NINJ2: variants seen among roughly 807,000 people sequenced by gnomAD.
NINJ2 encodes ninjurin-2.
In NINJ2, 12 loss-of-function variants were observed where a neutral mutation model predicts 11.7. The ratio of observed to expected loss-of-function variants is 1.02; its 90% CI spans 0.66 to 1.66. The LOEUF is 1.66. Among genes scored for constraint, NINJ2 ranks in the 40% most tolerant of loss-of-function variants. The pLI is 0.00. For missense variants in NINJ2, 187 were observed against 181.8 expected (o/e 1.03, Z -0.16); for synonymous variants, 93 against 76.8 (o/e 1.21, Z -1.10).
chr12:575,478 C>T (rs969658926), intron 1 of NINJ2, among the ~76,000 whole-genome samples: 5 of 152,220 alleles, frequency 3.3e-5, no homozygotes, highest in Non-Finnish European at 7.3e-5. Flanking sequence ...CATGCTCCCC[C>T]CAGGGAGAGC....
intron 1 of NINJ2, among the ~76,000 whole-genome samples, chr12:622,632 C>T (rs1444505140): frequency 6.6e-6 from 1 of 152,072 alleles, no homozygotes; most frequent in East Asian, 1.9e-4. Flanking sequence ...CCTCCAAATT[C>T]CCCTGACACC....
intron 1 of NINJ2, among the ~76,000 whole-genome samples, chr12:655,961 A>G (rs978342133): frequency 6.6e-6 from 1 of 152,102 alleles, no homozygotes; most frequent in Non-Finnish European, 1.5e-5. Context: ...AAATAGATAG[A>G]TAGATATTCC....
chr12:596,344 T>C (rs560261495), intron 1 of NINJ2, among the ~76,000 whole-genome samples: 1 of 152,052 alleles, frequency 6.6e-6, no homozygotes, highest in African/African-American at 2.4e-5. Flanking sequence ...ACAGCAGGAG[T>C]GAACTCTGTG....
At chr12:656,468 C>T (rs115536757) in intron 1 of NINJ2, among the ~76,000 whole-genome samples, 2,853 of 151,944 alleles carry the variant, frequency 0.019, 93 homozygotes, top group African/African-American at 0.065. Context: ...TACTGTAAAG[C>T]GGCCAGGCAT....
At chr12:647,912 C>T (rs567885086) in intron 1 of NINJ2, among the ~76,000 whole-genome samples, 44 of 152,320 alleles carry the variant, frequency 2.9e-4, no homozygotes, top group African/African-American at 9.9e-4. Flanking sequence ...TGCCCTGCCG[C>T]TTCCAGGCTC....
At chr12:648,819 A>G (rs571503150) in intron 1 of NINJ2, among the ~76,000 whole-genome samples, 1 of 152,218 alleles carries the variant, frequency 6.6e-6, no homozygotes, top group Admixed American at 6.5e-5. Flanking sequence ...AGTCTAAACA[A>G]ATCTATCTAC....
At chr12:652,031 A>T (rs1225402372) in intron 1 of NINJ2, among the ~76,000 whole-genome samples, 1 of 152,200 alleles carries the variant, frequency 6.6e-6, no homozygotes, top group Non-Finnish European at 1.5e-5. Flanking sequence ...AAATATTTGA[A>T]ACAATAATGA....
At position 633,158 on chromosome 12, in the gene NINJ2, C is replaced by G. The variant is rs4980955; in HGVS notation, c.33+30170G>C. 0.37 allele frequency among the ~76,000 whole-genome samples: 56,043 copies of G among 151,692 alleles called. 10,468 individuals carry two copies. The highest frequency in any genetic ancestry group is 0.42 in the South Asian group (2,012 of 4,792). ...TCCTGCCCTCTAATCTATCTTGCAT[C>G]CCTTCCTGAACCAACCTCCCTAAAA... On this transcript the variant is annotated intron_variant, in intron 1 of 3. Transcript: ENST00000305108. The surrounding 1 kb of genome is among the most constrained non-coding windows in gnomAD (Gnocchi z 4.3).
intron 1 of NINJ2, among the ~76,000 whole-genome samples, chr12:649,533 A>G (rs7315059): frequency 9.1e-5 from 10 of 109,386 alleles, no homozygotes; most frequent in African/African-American, 2.0e-4. Flanking sequence ...GTATATGTGT[A>G]TATATATATA....
chr12:648,381 C>G (rs2120518117), intron 1 of NINJ2, among the ~76,000 whole-genome samples: 1 of 152,268 alleles, frequency 6.6e-6, no homozygotes, highest in South Asian at 2.1e-4. Flanking sequence ...CCCGGCCTAA[C>G]AAACACATAT....
Position 565,229 on chromosome 12 carries a change from C to T in NINJ2, c.*6G>A. On this transcript the variant is annotated 3_prime_UTR_variant, in exon 3 of 4. Coordinates refer to ENST00000305108, the MANE Select transcript of NINJ2 (RefSeq NM_016533.6). The stretch of plus-strand genomic sequence containing the variant: ...CATCCTCCCTCACCTGGGTCCCAGG[C>T]TGCATTCAGAGAGGATTCCTTGAGG... 1 of 1,611,796 alleles carries T rather than the reference C, an allele frequency of 6.2e-7. No homozygotes were observed. The highest frequency in any genetic ancestry group is 8.5e-7 in the Non-Finnish European group (1 of 1,178,624).
At chr12:613,791 G>A (rs981754396) in intron 1 of NINJ2, among the ~76,000 whole-genome samples, 3 of 152,064 alleles carry the variant, frequency 2.0e-5, no homozygotes, top group Non-Finnish European at 2.9e-5. Flanking sequence ...TGTAGTCCCA[G>A]CTACTCAGGA....
chr12:567,224 A>C (rs1824210), intron 1 of NINJ2, among the ~76,000 whole-genome samples: 50,624 of 150,578 alleles, frequency 0.34, 8,653 homozygotes, highest in East Asian at 0.59. Flanking sequence ...AGATACCTGC[A>C]GAGTGGGGAG....
At chr12:596,440 T>C (rs1429364533) in intron 1 of NINJ2, among the ~76,000 whole-genome samples, 1 of 152,146 alleles carries the variant, frequency 6.6e-6, no homozygotes, top group African/African-American at 2.4e-5. Context: ...GGGATGTTGA[T>C]AATGGGGGCG....
chr12:592,673 C>A (rs1221161934), intron 1 of NINJ2, among the ~76,000 whole-genome samples: 1 of 152,078 alleles, frequency 6.6e-6, no homozygotes, highest in Non-Finnish European at 1.5e-5. Context: ...GCCCTCCAGC[C>A]TGGGCACCAA....
intron 2 of NINJ2, 130 bp from the exon 3 acceptor site, chr12:565,531 G>T: frequency 1.0e-6 from 1 of 952,924 alleles, no homozygotes; most frequent in Non-Finnish European, 1.6e-6. Flanking sequence ...CAAGGGAGGT[G>T]GTCGTCATCG....
intron 1 of NINJ2, among the ~76,000 whole-genome samples, chr12:650,080 AT>A (rs11400576): frequency 1.5e-4 from 22 of 144,202 alleles, no homozygotes; most frequent in African/African-American, 1.5e-4. Context: ...AGATTAGTAG[AT>A]TTTTTTTTTT....
chr12:659,136 G>A (rs921999027), intron 1 of NINJ2, among the ~76,000 whole-genome samples: 2 of 151,146 alleles, frequency 1.3e-5, no homozygotes, highest in African/African-American at 2.4e-5. Context: ...AACACTCCCA[G>A]AGTACTTTGC....
intron 1 of NINJ2, among the ~76,000 whole-genome samples, chr12:609,008 A>C (rs1233420416): frequency 6.6e-6 from 1 of 151,814 alleles, no homozygotes; most frequent in South Asian, 2.1e-4. Context: ...ATGCACATAC[A>C]CGGCGCCACG....
Sources: gnomAD v4.1 joint callset for allele counts (sites outside exome capture counted in the v4.1 genomes callset) on GRCh38, gnomAD v4.1.1 for gene constraint, Gnocchi (gnomAD v3.1) non-coding constraint, MANE v1.5 for transcripts, NCBI Gene and HGNC (gene_info 2026-07-23, HGNC 2026-07-21) for gene names.